PSMD14: variants seen among roughly 807,000 people sequenced by gnomAD.
The protein encoded by PSMD14 is proteasome 26S subunit, non-ATPase 14, also known as ubiquitin C-terminal hydrolase PSMD14.
A neutral mutation model predicts 41.2 loss-of-function variants in PSMD14; 7 were observed. The ratio of observed to expected loss-of-function variants is 0.17; its 90% confidence interval spans 0.10 to 0.32. The LOEUF (loss-of-function observed/expected upper bound fraction) is 0.32. Ranked by LOEUF, PSMD14 falls within the 10% of genes least tolerant of loss-of-function variation. The pLI is 1.00. For missense variants in PSMD14, 139 were observed against 375.6 expected (o/e 0.37, Z 5.21); for synonymous variants, 114 against 122.3 (o/e 0.93, Z 0.45).
At chr2:161,361,924 A>G (rs1559047327) in intron 3 of PSMD14, among the ~76,000 whole-genome samples, 2 of 152,200 alleles carry the variant, frequency 1.3e-5, no homozygotes, top group Non-Finnish European at 2.9e-5. Context: ...ATATGTTTTC[A>G]TAACTAATAT....
intron 10 of PSMD14, among the ~76,000 whole-genome samples, chr2:161,403,466 TG>T (rs1683908720): frequency 1.3e-5 from 2 of 152,286 alleles, no homozygotes; most frequent in Admixed American, 1.3e-4. Flanking sequence ...GGAATACAGG[TG>T]ATTGGGGCAC....
intron 1 of PSMD14, among the ~76,000 whole-genome samples, chr2:161,313,839 A>G (rs1269649235): frequency 6.6e-6 from 1 of 152,194 alleles, no homozygotes; most frequent in African/African-American, 2.4e-5. Flanking sequence ...CTAGCTGATT[A>G]CTTCTGGTTC....
chr2:161,342,384 G>C (rs1241557603), intron 3 of PSMD14, among the ~76,000 whole-genome samples: 1 of 151,610 alleles, frequency 6.6e-6, no homozygotes, highest in Non-Finnish European at 1.5e-5. Flanking sequence ...CACCTTTTCT[G>C]CATGTATCGA....
intron 10 of PSMD14, among the ~76,000 whole-genome samples, chr2:161,406,510 C>G (rs1314383385): frequency 6.6e-6 from 1 of 152,194 alleles, no homozygotes; most frequent in East Asian, 1.9e-4. Flanking sequence ...GCAATCATTT[C>G]TTACGTTTTT....
intron 10 of PSMD14, among the ~76,000 whole-genome samples, chr2:161,403,065 T>G (rs1324690330): frequency 6.6e-6 from 1 of 152,048 alleles, no homozygotes; most frequent in Non-Finnish European, 1.5e-5. Context: ...GAATTGAAAA[T>G]AGGTATTCAA....
chr2:161,321,152 C>T (rs976499224), intron 3 of PSMD14, among the ~76,000 whole-genome samples: 3 of 152,186 alleles, frequency 2.0e-5, no homozygotes, highest in African/African-American at 7.2e-5. Context: ...CTCCAAAAAT[C>T]AGTGGGAAAT....
At chr2:161,383,290 C>T (rs1011244584) in intron 7 of PSMD14, 1 of 151,990 alleles carries the variant, frequency 6.6e-6, no homozygotes, top group Admixed American at 6.6e-5. Flanking sequence ...ATGTTAGTTT[C>T]CTTAAGACAG....
chr2:161,325,750 A>G (rs1184013806), intron 3 of PSMD14, among the ~76,000 whole-genome samples: 2 of 152,246 alleles, frequency 1.3e-5, no homozygotes, highest in African/African-American at 4.8e-5. Context: ...CCAGATTTCG[A>G]AACATATTTT....
intron 8 of PSMD14, among the ~76,000 whole-genome samples, chr2:161,385,816 A>T (rs1479771038): frequency 1.3e-5 from 2 of 151,706 alleles, no homozygotes; most frequent in Non-Finnish European, 3.0e-5. Flanking sequence ...AGCATAGTAG[A>T]TCTTTTATCT....
At position 161,327,946 on chromosome 2, in the gene PSMD14, C is replaced by CTCTGTG. The variant is rs1553503770; in HGVS notation, c.48+9074_48+9075insCTGTGT. Among the ~76,000 whole-genome samples the CTCTGTG allele has an allele frequency of 4.4e-4, 51 of 117,116 alleles. 1 individual carries two copies. Among genetic ancestry groups the CTCTGTG allele is most frequent in the Non-Finnish European group, 1.9e-4 (11 of 56,948 alleles). 76.8% of individuals were successfully genotyped at this position (117,116 alleles called of 152,430 possible). On this transcript the variant is annotated intron_variant, in intron 3 of 11. Coordinates refer to ENST00000409682, the MANE Select transcript of PSMD14 (RefSeq NM_005805.6). The stretch of plus-strand genomic sequence containing the variant: ...GGGGAAGCAGGAATTCTCATGTAAG[C>CTCTGTG]TGTGTGTGTGTGTGTGTGTGTGTGT...
chr2:161,364,583 A>G (rs1263191759), intron 3 of PSMD14, among the ~76,000 whole-genome samples: 1 of 151,854 alleles, frequency 6.6e-6, no homozygotes, highest in East Asian at 1.9e-4. Context: ...CGAGTCTTTA[A>G]TGGGGTTTTC....
chr2:161,313,264 A>G (rs1342728093), intron 1 of PSMD14, among the ~76,000 whole-genome samples: 3 of 152,246 alleles, frequency 2.0e-5, no homozygotes, highest in African/African-American at 7.2e-5. Flanking sequence ...CCAGTAGACC[A>G]TAAAAGGATA....
chr2:161,392,891 C>T lies in PSMD14; in HGVS notation c.645+1713C>T, dbSNP rs16845810. Among the ~76,000 whole-genome samples, 337 of 152,132 alleles carry T rather than the reference C, an allele frequency of 2.2e-3. 2 individuals carry two copies. Among genetic ancestry groups the T allele is most frequent in the African/African-American group, 7.4e-3 (308 of 41,496 alleles). ...ATTTTATCAGACTGATATCTGACAC[C>T]CATCTATTTGGAAATGTCTAGCTAA... is the stretch of plus-strand genomic sequence containing the variant. On this transcript the variant is annotated intron_variant, in intron 9 of 11. Coordinates refer to ENST00000409682, the MANE Select transcript of PSMD14 (RefSeq NM_005805.6).
rs528767295 is a variant in PSMD14, at chr2:161,409,898, T to C, written c.834+999T>C. Among the ~76,000 whole-genome samples the C allele has an allele frequency of 5.3e-5, 8 of 152,182 alleles. No homozygotes were observed. In the South Asian group the frequency reaches 1.7e-3, roughly 32 times the overall value. On this transcript the variant is annotated intron_variant, in intron 11 of 11. Coordinates refer to ENST00000409682, the MANE Select transcript of PSMD14 (RefSeq NM_005805.6). The stretch of plus-strand genomic sequence containing the variant: ...ATGTGATATCACCCTTGTTATCTTT[T>C]CCACTACTTATTTTAATCATAATAC...
chr2:161,321,642 A>G (rs1309065404), intron 3 of PSMD14, among the ~76,000 whole-genome samples: 1 of 152,204 alleles, frequency 6.6e-6, no homozygotes, highest in Non-Finnish European at 1.5e-5. Context: ...TAACCTGAGT[A>G]TAAATTTGGA....
At chr2:161,324,889 T>G (rs1682670390) in intron 3 of PSMD14, among the ~76,000 whole-genome samples, 1 of 152,154 alleles carries the variant, frequency 6.6e-6, no homozygotes, top group Non-Finnish European at 1.5e-5. Flanking sequence ...GGAATGTGAT[T>G]GGTTAATAGG....
At chr2:161,316,386 C>T (rs182988120) in intron 1 of PSMD14, 51 bp from the exon 2 acceptor site, 26 of 152,142 alleles carry the variant, frequency 1.7e-4, no homozygotes, top group Non-Finnish European at 2.5e-4. Flanking sequence ...ATAAAGTTTT[C>T]CTCCTTAAAT....
At chr2:161,410,260 T>C (rs894408206) in intron 11 of PSMD14, among the ~76,000 whole-genome samples, 94 of 152,072 alleles carry the variant, frequency 6.2e-4, no homozygotes, top group African/African-American at 2.2e-3. Context: ...ATAAAAAATA[T>C]ATTGTAGTCT....
At position 161,395,122 on chromosome 2, in the gene PSMD14, A is replaced by G; in HGVS notation, c.690A>G (p.Thr230=). 2 of 1,597,322 alleles carry G rather than the reference A, an allele frequency of 1.3e-6. No individual in the cohort carries two copies. Among genetic ancestry groups the G allele is most frequent in the Non-Finnish European group, 1.7e-6 (2 of 1,172,064 alleles). ...LHKKSWMEGL[T]LQDYSEHCKH... is the part of the protein sequence containing the mutation. ...AGAAGAGTTGGATGGAAGGTTTGAC[A>G]CTTCAGGACTACAGTGAACATTGTA... Residue 230 remains threonine (T), a synonymous_variant, in exon 10 of 12, where the codon ACA becomes ACG. Transcript: ENST00000409682.
Sources: gnomAD v4.1 joint callset for allele counts (sites outside exome capture counted in the v4.1 genomes callset) on GRCh38, gnomAD v4.1.1 for gene constraint, MANE v1.5 for transcripts, NCBI Gene and HGNC (gene_info 2026-07-23, HGNC 2026-07-21) for gene names.